WDR37: variants seen among roughly 807,000 people sequenced by gnomAD.
WDR37 encodes the protein WD repeat domain 37, also known as WD repeat-containing protein 37.
WDR37 carries 19 observed loss-of-function variants against 62.9 expected under a neutral mutation model. That is an observed-to-expected ratio of 0.30 (90% CI 0.21 to 0.44). The LOEUF is 0.44. Ranked by LOEUF, WDR37 falls within the 20% of genes least tolerant of loss-of-function variation. The pLI is 1.00. For missense variants in WDR37, 474 were observed against 657.6 expected, an observed-to-expected ratio of 0.72 and a Z score of 3.05; for synonymous variants, 250 against 260.9, an observed-to-expected ratio of 0.96 and a Z score of 0.40.
Position 1,077,926 on chromosome 10 carries a change from C to T in WDR37, c.158C>T (p.Ser53Leu), listed in dbSNP as rs773582119. 18 of 1,610,224 alleles carry T rather than the reference C, an allele frequency of 1.1e-5. No individual in the cohort carries two copies. Among genetic ancestry groups the T allele is most frequent in the Non-Finnish European group, 1.3e-5 (15 of 1,178,600 alleles). The change falls in exon 3 of 14, where the codon TCG (serine) becomes TTG (leucine). Residue 53 changes from serine to leucine, a missense_variant. Transcript: ENST00000263150. The stretch of plus-strand genomic sequence containing the variant: ...CTGCAGGATTCTAAACTGCCTTCCT[C>T]GGTTCGCAGTACACTTCTGGAACTG... ...LEGQDSKLPS[S>L]VRSTLLELFG...
rs143025674 is a variant in WDR37, at chr10:1,111,552, G to A, written c.1103+6285G>A. On this transcript the variant is annotated intron_variant, in intron 11 of 13. Coordinates refer to ENST00000263150, the MANE Select transcript of WDR37 (RefSeq NM_014023.4). ...ATTACCTTTGCTGGATGGGGATGGAGCTCCGTGCTGTGAGCTGCTGAAGGC... is the reference window on the plus strand; with the variant it reads ...ATTACCTTTGCTGGATGGGGATGGAACTCCGTGCTGTGAGCTGCTGAAGGC... Among the ~76,000 whole-genome samples the A allele has an allele frequency of 2.0e-4, 31 of 152,210 alleles. 1 individual carries two copies. Among genetic ancestry groups the A allele is most frequent in the Admixed American group, 2.0e-3 (31 of 15,288 alleles).
intron 1 of WDR37, among the ~76,000 whole-genome samples, chr10:1,063,453 C>G (rs772045093): frequency 1.3e-5 from 2 of 152,078 alleles, no homozygotes; most frequent in Non-Finnish European, 2.9e-5. Context: ...TCACAGGAAA[C>G]CCTGCAGCAC....
At position 1,131,018 on chromosome 10, in the gene WDR37, A is replaced by AT. The variant is rs1835937623; in HGVS notation, c.*1675dup. ...GTCATTTTGATTTTACAAATAAAAA[A>AT]TGTGTTGTGTTTTTGTCCGACATTA... On this transcript the variant is annotated 3_prime_UTR_variant, in exon 14 of 14. Transcript: ENST00000263150. The AT allele has an allele frequency of 6.6e-6, 1 of 152,218 alleles. No individual in the cohort carries two copies. The highest frequency in any genetic ancestry group is 6.5e-5 in the Admixed American group (1 of 15,290). 9.4% of individuals were successfully genotyped at this position (152,218 alleles called of 1,614,324 possible). A position where few individuals can be genotyped will look rare whatever the true frequency, so the allele number is the denominator to read the frequency against.
In WDR37 at chr10:1,129,415, T is replaced by C; in HGVS notation, c.*71T>C. 6.3e-7 allele frequency: 1 copy of C among 1,587,402 alleles called. No individual in the cohort carries two copies. Among genetic ancestry groups the C allele is most frequent in the Non-Finnish European group, 8.6e-7 (1 of 1,162,534 alleles). ...TGATGGGTGCAGGCTTTTCTGCGTA[T>C]TAATCAGCCATTTTTGTGAGAGTTT... On this transcript the variant is annotated 3_prime_UTR_variant, in exon 14 of 14. Transcript: ENST00000263150.
At chr10:1,101,298 G>A (rs919608072) in intron 9 of WDR37, among the ~76,000 whole-genome samples, 7 of 152,214 alleles carry the variant, frequency 4.6e-5, no homozygotes, top group Non-Finnish European at 1.0e-4. Context: ...AGCCCGAGAT[G>A]AGGGTGTGAG....
Position 1,102,692 on chromosome 10 carries a change from C to A in WDR37, c.727-910C>A, listed in dbSNP as rs189389951. Among the ~76,000 whole-genome samples the A allele has an allele frequency of 6.4e-3, 972 of 152,306 alleles. 13 individuals are homozygous for A. The highest frequency in any genetic ancestry group is 4.8e-3 in the Non-Finnish European group (325 of 68,020). ...GGAATCCTCCCCCATGAGCCAGACA[C>A]CCCCACCAGGCCCGGCCTCCAACAC... On this transcript the variant is annotated intron_variant, in intron 9 of 13. Transcript: ENST00000263150.
intron 1 of WDR37, among the ~76,000 whole-genome samples, chr10:1,064,328 A>G (rs1408563438): frequency 6.6e-6 from 1 of 152,128 alleles, no homozygotes; most frequent in Admixed American, 6.5e-5. Flanking sequence ...AGAAGATGCA[A>G]CATCTGTCAT....
chr10:1,115,629 G>C (rs1256535314), intron 11 of WDR37, among the ~76,000 whole-genome samples: 1 of 152,256 alleles, frequency 6.6e-6, no homozygotes, highest in Non-Finnish European at 1.5e-5. Flanking sequence ...TCAGCATGCA[G>C]GTGTCAGCTT....
Position 1,101,222 on chromosome 10 carries a change from G to A in WDR37, c.727-2380G>A, listed in dbSNP as rs576170687. On this transcript the variant is annotated intron_variant, in intron 9 of 13. Coordinates refer to ENST00000263150, the MANE Select transcript of WDR37 (RefSeq NM_014023.4). ...CATAACAAAGTGCCACAGGCAGGGT[G>A]ACTTCTGAACAACAGATCCGTGTTC... Among the ~76,000 whole-genome samples the A allele has an allele frequency of 2.6e-5, 4 of 152,314 alleles. No homozygotes were observed. The East Asian group carries it at 7.7e-4, about 29-fold the overall frequency.
intron 11 of WDR37, among the ~76,000 whole-genome samples, chr10:1,113,788 A>G (rs1338836872): frequency 2.1e-4 from 32 of 152,176 alleles, no homozygotes; most frequent in Admixed American, 2.1e-3. Context: ...TGAGCAAAGA[A>G]AGTGGTTTCT....
chr10:1,080,280 G>A, intron 4 of WDR37, 132 bp from the exon 5 acceptor site: 1 of 1,291,262 alleles, frequency 7.7e-7, no homozygotes, highest in Admixed American at 2.1e-5. Flanking sequence ...TTCTGCCATG[G>A]CTCTGTGTCA....
chr10:1,106,970 G>A (rs936742426), intron 11 of WDR37, among the ~76,000 whole-genome samples: 13 of 152,162 alleles, frequency 8.5e-5, no homozygotes, highest in Admixed American at 3.3e-4. Context: ...AAACTGCTCC[G>A]TCCTGACATC....
intron 5 of WDR37, 100 bp from the exon 6 acceptor site, chr10:1,084,303 T>C: frequency 2.1e-6 from 3 of 1,422,876 alleles, no homozygotes; most frequent in Non-Finnish European, 1.9e-6. Flanking sequence ...TAGTCAGTGA[T>C]TTGTGCATTT....
intron 11 of WDR37, among the ~76,000 whole-genome samples, chr10:1,114,327 A>G (rs1835317085): frequency 6.6e-6 from 1 of 152,220 alleles, no homozygotes; most frequent in South Asian, 2.1e-4. Context: ...ATCAATTGCT[A>G]TAGCAGACTC....
At chr10:1,096,393 A>G in intron 9 of WDR37, 147 bp downstream of exon 9, 1 of 810,232 alleles carries the variant, frequency 1.2e-6, no homozygotes, top group Non-Finnish European at 2.0e-6. Flanking sequence ...TTGAATTTGG[A>G]GATTGGGCCT....
rs1037613291 is a variant in WDR37 at position 1,079,945 on chromosome 10, G to A, written c.236-66G>A. ...AGCATTTTTTCTGTGTGCGAGTTTT[G>A]GAAGTGGTGAGTACACTTAAACATA... is the stretch of plus-strand genomic sequence containing the variant. On this transcript the variant is annotated intron_variant, in intron 3 of 13. Coordinates refer to ENST00000263150, the MANE Select transcript of WDR37 (RefSeq NM_014023.4). The A allele has an allele frequency of 4.9e-5, 67 of 1,376,230 alleles. No homozygotes were observed. The Middle Eastern group carries it at 5.8e-4, about 12-fold the overall frequency. The allele number at this position is 1,376,230 out of a possible 1,614,324, so 85.3% of individuals were successfully genotyped here. A position where few individuals can be genotyped will look rare whatever the true frequency, so the allele number is the denominator to read the frequency against.
chr10:1,125,096 T>C, intron 13 of WDR37, 72 bp downstream of exon 13: 1 of 1,556,544 alleles, frequency 6.4e-7, no homozygotes, highest in Non-Finnish European at 8.7e-7. Flanking sequence ...TACATTCTCA[T>C]TTTCTTACTA....
At chr10:1,124,664 G>GTA (rs1353337887) in intron 12 of WDR37, among the ~76,000 whole-genome samples, 3 of 5,550 alleles carry the variant, frequency 5.4e-4, no homozygotes, top group African/African-American at 5.8e-4. Flanking sequence ...AGCAGTGTGT[G>GTA]TGTGTGTGTG....
At chr10:1,061,951 C>T (rs1256080528) in intron 1 of WDR37, among the ~76,000 whole-genome samples, 2 of 151,550 alleles carry the variant, frequency 1.3e-5, no homozygotes, top group South Asian at 2.1e-4. Flanking sequence ...TATGTATATG[C>T]GGATATTCCA....
Sources: gnomAD v4.1 joint callset for allele counts (sites outside exome capture counted in the v4.1 genomes callset) on GRCh38, gnomAD v4.1.1 for gene constraint, MANE v1.5 for transcripts, NCBI Gene and HGNC (gene_info 2026-07-23, HGNC 2026-07-21) for gene names.